The following RIN3 variants were observed in gnomAD, a reference collection of about 807,000 sequenced individuals.
RIN3 encodes Ras and Rab interactor 3, also known as RAB5 interacting protein 3.
RIN3 carries 54 observed loss-of-function variants against 76.3 expected under a neutral mutation model. The ratio of observed to expected loss-of-function variants is 0.71; its 90% CI spans 0.57 to 0.89. The LOEUF (loss-of-function observed/expected upper bound fraction) is 0.89, where lower values mean the gene tolerates loss of function less well. Among genes scored for constraint, RIN3 ranks in the 40% least tolerant of loss-of-function variants. RIN3 has a pLI of 0.00. For synonymous variants in RIN3, 576 were observed against 564.0 expected, an observed-to-expected ratio of 1.02 and a Z score of -0.30; for missense variants, 1,256 against 1,322.1, an observed-to-expected ratio of 0.95 and a Z score of 0.78.
At chr14:92,592,923 C>G (rs1885035285) in intron 3 of RIN3, among the ~76,000 whole-genome samples, 1 of 152,020 alleles carries the variant, frequency 6.6e-6, no homozygotes, top group African/African-American at 2.4e-5. Flanking sequence ...ATCCACCTGC[C>G]TCGGCCTCCC....
In RIN3 at chr14:92,568,952, C is replaced by G. The variant is rs562951955; in HGVS notation, c.250-8408C>G. 2.0e-5 allele frequency among the ~76,000 whole-genome samples: 3 copies of G among 152,316 alleles called. No homozygotes were observed. Among genetic ancestry groups the G allele is most frequent in the African/African-American group, 7.2e-5 (3 of 41,564 alleles). ...ATGCTTCACCATGTGGTGGGGATGC[C>G]TGGCCCTAGTCCTGCTCTGGCAGTT... is the stretch of plus-strand genomic sequence containing the variant. On this transcript the variant is annotated intron_variant, in intron 2 of 9. Coordinates refer to ENST00000216487, the MANE Select transcript of RIN3 (RefSeq NM_024832.5). This position sits in a 1 kb window ranked among gnomAD's most constrained non-coding sequence, Gnocchi z 4.2.
chr14:92,520,519 G>A (rs184535706), intron 1 of RIN3, among the ~76,000 whole-genome samples: 274 of 152,346 alleles, frequency 1.8e-3, no homozygotes, highest in Non-Finnish European at 3.2e-3. Context: ...CCCTAGTTAA[G>A]AGATGCGCCA....
At chr14:92,566,174 A>T (rs781781892) in intron 2 of RIN3, among the ~76,000 whole-genome samples, 4 of 152,078 alleles carry the variant, frequency 2.6e-5, no homozygotes, top group Non-Finnish European at 4.4e-5. Context: ...GGAAGTCTGG[A>T]AGTTGGGGTC....
chr14:92,606,059 T>G (rs1885515436), intron 3 of RIN3, among the ~76,000 whole-genome samples: 1 of 149,586 alleles, frequency 6.7e-6, no homozygotes, highest in African/African-American at 2.5e-5. Context: ...TAATATAAGC[T>G]ACTTGGGAGG....
intron 3 of RIN3, among the ~76,000 whole-genome samples, chr14:92,602,536 C>T (rs144153559): frequency 3.3e-5 from 5 of 152,312 alleles, no homozygotes; most frequent in East Asian, 3.9e-4. Flanking sequence ...GCCTCAGTTT[C>T]CTCACCTATT....
At chr14:92,536,326 A>G (rs1222460423) in intron 1 of RIN3, among the ~76,000 whole-genome samples, 1 of 152,190 alleles carries the variant, frequency 6.6e-6, no homozygotes, top group Admixed American at 6.5e-5. Context: ...CGCCATGGAC[A>G]AGATCTGTCC....
chr14:92,629,076 A>G (rs1340385144), intron 4 of RIN3, among the ~76,000 whole-genome samples: 1 of 151,750 alleles, frequency 6.6e-6, no homozygotes, highest in Non-Finnish European at 1.5e-5. Flanking sequence ...TTGCTTTCGT[A>G]TTTAGGCGCT....
Position 92,688,262 on chromosome 14 carries a change from G to C in RIN3, c.*10G>C. 1 of 1,560,250 alleles carries C rather than the reference G, an allele frequency of 6.4e-7. No homozygotes were observed. The highest frequency in any genetic ancestry group is 8.7e-7 in the Non-Finnish European group (1 of 1,155,536). On this transcript the variant is annotated 3_prime_UTR_variant, in exon 10 of 10. Transcript: ENST00000216487. ...GCCCAACTTCCTGTGAGGCCCTCCC[G>C]GGGCGCCTCCCCTCACCCCCAGGCG... is the stretch of plus-strand genomic sequence containing the variant.
chr14:92,560,387 G>T (rs1413512460), intron 2 of RIN3, among the ~76,000 whole-genome samples: 1 of 152,048 alleles, frequency 6.6e-6, no homozygotes, highest in East Asian at 1.9e-4. Flanking sequence ...CCTGCTCTCT[G>T]CCTTTACGCC....
At chr14:92,595,847 A>G (rs1885132443) in intron 3 of RIN3, among the ~76,000 whole-genome samples, 1 of 152,370 alleles carries the variant, frequency 6.6e-6, no homozygotes, top group Non-Finnish European at 1.5e-5. Context: ...CATGTTGCTC[A>G]GTGTCCAGGC....
chr14:92,586,343 G>A (rs1480246298), intron 3 of RIN3: 1 of 152,216 alleles, frequency 6.6e-6, no homozygotes, highest in East Asian at 1.9e-4. Context: ...TTTGCTCTTG[G>A]AGAACTCCTG....
chr14:92,610,515 C>T lies in RIN3; in HGVS notation c.368-4892C>T, dbSNP rs78383414. On this transcript the variant is annotated intron_variant, in intron 3 of 9. Coordinates refer to ENST00000216487, the MANE Select transcript of RIN3 (RefSeq NM_024832.5). The stretch of plus-strand genomic sequence containing the variant: ...GGAAAAGTGAGACCTGCTCCTGCCC[C>T]GGCTGTAGTCCAACAGCCCCTGCCT... Among the ~76,000 whole-genome samples the T allele has an allele frequency of 1.9e-3, 290 of 152,294 alleles. 11 individuals carry two copies. In the East Asian group the frequency reaches 0.048, roughly 25 times the overall value.
intron 7 of RIN3, among the ~76,000 whole-genome samples, chr14:92,668,474 A>T (rs1888183824): frequency 6.6e-6 from 1 of 152,200 alleles, no homozygotes; most frequent in African/African-American, 2.4e-5. Context: ...AGGGAGCTGG[A>T]GTGTTTTCCT....
chr14:92,658,544 T>C (rs1188203571), intron 6 of RIN3, among the ~76,000 whole-genome samples: 1 of 152,110 alleles, frequency 6.6e-6, no homozygotes, highest in Non-Finnish European at 1.5e-5. Flanking sequence ...AAAGATGTCA[T>C]AACAGGACAA....
In RIN3 at chr14:92,664,846, T is replaced by C. The variant is rs1489242710; in HGVS notation, c.2335+5377T>C. ...ACGGTGGAGTTGTCCGTTGCATAAATTTATGTTAATACAGCATTTTTGTCT... is the reference window on the plus strand; with the variant it reads ...ACGGTGGAGTTGTCCGTTGCATAAACTTATGTTAATACAGCATTTTTGTCT... On this transcript the variant is annotated intron_variant, in intron 7 of 9. Transcript: ENST00000216487. Among the ~76,000 whole-genome samples the C allele has an allele frequency of 2.0e-5, 3 of 152,210 alleles. No individual in the cohort carries two copies. In the East Asian group the frequency reaches 5.8e-4, roughly 29 times the overall value.
At chr14:92,642,522 G>A (rs1887053345) in intron 5 of RIN3, among the ~76,000 whole-genome samples, 1 of 152,180 alleles carries the variant, frequency 6.6e-6, no homozygotes, top group South Asian at 2.1e-4. Context: ...TCATCAACAA[G>A]TCTTTAGTAA....
Position 92,648,744 on chromosome 14 carries a change from G to T in RIN3, c.533-2838G>T, listed in dbSNP as rs973290284. ...GTGGGAAAGTCAGGCAAAAAACAGAGAATTACAGTCCCAGTGATGGTCACT... is the reference window on the plus strand; with the variant it reads ...GTGGGAAAGTCAGGCAAAAAACAGATAATTACAGTCCCAGTGATGGTCACT... On this transcript the variant is annotated intron_variant, in intron 5 of 9. Coordinates refer to ENST00000216487, the MANE Select transcript of RIN3 (RefSeq NM_024832.5). This position sits in a 1 kb window ranked among gnomAD's most constrained non-coding sequence, Gnocchi z 4.1. Among the ~76,000 whole-genome samples the T allele has an allele frequency of 6.6e-6, 1 of 152,204 alleles. No individual in the cohort carries two copies. The highest frequency in any genetic ancestry group is 1.5e-5 in the Non-Finnish European group (1 of 68,036).
intron 5 of RIN3, among the ~76,000 whole-genome samples, chr14:92,650,260 C>T (rs1402502214): frequency 6.6e-6 from 1 of 152,200 alleles, no homozygotes; most frequent in East Asian, 1.9e-4. Context: ...GTAGAACCAG[C>T]CCGACCTGGT....
chr14:92,652,245 A>G lies in RIN3; in HGVS notation c.1196A>G (p.Asp399Gly). ...GTTTCCGAGAGGGTGTCCTTAGAAG[A>G]CCAAAGTCCGGGGATGGCGGCAGAG... ...RRVSERVSLEDQSPGMAAEGD... is the reference protein window; with the variant it reads ...RRVSERVSLEGQSPGMAAEGD... The change falls in exon 6 of 10, where the codon GAC becomes GGC. Residue 399 changes from aspartate to glycine, a missense_variant. Asp to Gly is a moderately conservative substitution (Grantham distance 94). This residue lies in a region of RIN3 where 610 missense variants were observed against 626.4 expected (regional missense o/e 0.97). Coordinates refer to ENST00000216487, the MANE Select transcript of RIN3 (RefSeq NM_024832.5). This position sits in a 1 kb window ranked among gnomAD's most constrained non-coding sequence, Gnocchi z 6.4. 1 of 1,610,588 alleles carries G rather than the reference A, an allele frequency of 6.2e-7. No individual in the cohort carries two copies.
Sources: allele counts gnomAD v4.1 joint callset (sites outside exome capture counted in the v4.1 genomes callset), GRCh38; gene constraint gnomAD v4.1.1; regional missense constraint gnomAD v4.1.1; non-coding constraint Gnocchi (gnomAD v3.1); transcripts MANE v1.5; gene names NCBI Gene and HGNC (gene_info 2026-07-23, HGNC 2026-07-21).